Variants in EPHB2 observed in about 807,000 individuals in gnomAD.
The protein encoded by EPHB2 is EPH receptor B2.
In EPHB2, 18 loss-of-function variants were observed where a neutral mutation model predicts 96.4. That is an observed-to-expected ratio of 0.19 (90% CI 0.13 to 0.28). The LOEUF (loss-of-function observed/expected upper bound fraction) is 0.28. Ranked by LOEUF, EPHB2 falls within the 10% of genes least tolerant of loss-of-function variation. The pLI is 1.00. For synonymous variants in EPHB2, 506 were observed against 534.1 expected (o/e 0.95, Z 0.72); for missense variants, 989 against 1,355.4 (o/e 0.73, Z 4.25).
chr1:22,825,667 C>T (rs1645213006), intron 3 of EPHB2, among the ~76,000 whole-genome samples: 1 of 152,206 alleles, frequency 6.6e-6, no homozygotes, highest in Non-Finnish European at 1.5e-5. Context: ...ACATCTGGAG[C>T]AGGAGAACTA....
intron 3 of EPHB2, among the ~76,000 whole-genome samples, chr1:22,849,675 T>C (rs1400431173): frequency 1.3e-5 from 2 of 152,230 alleles, no homozygotes; most frequent in Non-Finnish European, 2.9e-5. Flanking sequence ...ACTAACTTTT[T>C]CTCTAAAGTC....
At position 22,716,351 on chromosome 1, in the gene EPHB2, A is replaced by C. The variant is rs1448213930; in HGVS notation, c.61+5308A>C. Among the ~76,000 whole-genome samples, 5 of 149,812 alleles carry C rather than the reference A, an allele frequency of 3.3e-5. No homozygotes were observed. In the East Asian group the frequency reaches 9.8e-4, roughly 29 times the overall value. ...GGGGACAGGTTCTTTTTTTTTTTCG[A>C]GATGGAGTCTCACTTTGTCACCCAG... is the stretch of plus-strand genomic sequence containing the variant. On this transcript the variant is annotated intron_variant, in intron 1 of 15. Transcript: ENST00000374630.
At chr1:22,756,402 G>T (rs535364290) in intron 1 of EPHB2, among the ~76,000 whole-genome samples, 7 of 152,080 alleles carry the variant, frequency 4.6e-5, no homozygotes, top group Non-Finnish European at 8.8e-5. Flanking sequence ...CAGACTGACC[G>T]CCAGGACCTC....
At chr1:22,829,536 A>G (rs1476871448) in intron 3 of EPHB2, among the ~76,000 whole-genome samples, 1 of 152,222 alleles carries the variant, frequency 6.6e-6, no homozygotes, top group Non-Finnish European at 1.5e-5. Context: ...ACAAATAGCC[A>G]CATTGATTTT....
chr1:22,725,718 G>T (rs1042328821), intron 1 of EPHB2, among the ~76,000 whole-genome samples: 2 of 152,146 alleles, frequency 1.3e-5, no homozygotes, highest in Non-Finnish European at 2.9e-5. Flanking sequence ...CCATTGACTT[G>T]GCCCACACTT....
At chr1:22,807,932 G>C (rs1459488589) in intron 3 of EPHB2, among the ~76,000 whole-genome samples, 6 of 152,174 alleles carry the variant, frequency 3.9e-5, no homozygotes, top group Non-Finnish European at 7.3e-5. Flanking sequence ...TCAGGAGTTT[G>C]ATACCAGCCT....
Position 22,767,422 on chromosome 1 carries a change from A to G in EPHB2, c.62-13999A>G, listed in dbSNP as rs116610607. ...AAATCAAAGCCTGCCTCCCTCACCA[A>G]CTTGCAGCCAACTTGCAGGGATCTT... On this transcript the variant is annotated intron_variant, in intron 1 of 15. Coordinates refer to ENST00000374630, the MANE Select transcript of EPHB2 (RefSeq NM_017449.5). 3.7e-3 allele frequency among the ~76,000 whole-genome samples: 557 copies of G among 152,212 alleles called. 1 individual carries two copies. Among genetic ancestry groups the G allele is most frequent in the African/African-American group, 0.012 (497 of 41,524 alleles).
At chr1:22,859,129 C>T (rs1331128181) in intron 3 of EPHB2, among the ~76,000 whole-genome samples, 1 of 152,146 alleles carries the variant, frequency 6.6e-6, no homozygotes, top group East Asian at 1.9e-4. Flanking sequence ...CACAGCGAGA[C>T]TCCGTCTCAA....
At chr1:22,872,724 C>T (rs546082811) in intron 5 of EPHB2, among the ~76,000 whole-genome samples, 1 of 152,370 alleles carries the variant, frequency 6.6e-6, no homozygotes, top group African/African-American at 2.4e-5. Flanking sequence ...ACTTTCAACT[C>T]TCCAAAGCCT....
chr1:22,804,368 C>G (rs572756527), intron 3 of EPHB2, among the ~76,000 whole-genome samples: 2 of 152,264 alleles, frequency 1.3e-5, no homozygotes, highest in African/African-American at 4.8e-5. Context: ...GCACCACCCC[C>G]CATCCTGCCA....
At chr1:22,852,783 G>A (rs529350070) in intron 3 of EPHB2, among the ~76,000 whole-genome samples, 133 of 152,350 alleles carry the variant, frequency 8.7e-4, no homozygotes, top group Non-Finnish European at 1.7e-3. Context: ...CTTGCAGCCT[G>A]TCACTCAGAG....
At chr1:22,897,684 G>A (rs762982929) in intron 9 of EPHB2, among the ~76,000 whole-genome samples, 2 of 152,188 alleles carry the variant, frequency 1.3e-5, no homozygotes, top group Non-Finnish European at 2.9e-5. Context: ...CTACTCAGGA[G>A]GCTGAGGCAG....
chr1:22,773,859 G>A (rs989382202), intron 1 of EPHB2, among the ~76,000 whole-genome samples: 2 of 152,194 alleles, frequency 1.3e-5, no homozygotes, highest in East Asian at 1.9e-4. Context: ...GCTTTGGTGC[G>A]AGGCAGACCC....
Position 22,811,799 on chromosome 1 carries a change from G to A in EPHB2, c.811+26723G>A, listed in dbSNP as rs1246947696. Among the ~76,000 whole-genome samples the A allele has an allele frequency of 3.3e-5, 5 of 152,318 alleles. No homozygotes were observed. The East Asian group carries it at 9.6e-4, about 29-fold the overall frequency. On this transcript the variant is annotated intron_variant, in intron 3 of 15. Transcript: ENST00000374630. ...CATGCCTGGAATCCCAACTCTTTGG[G>A]AGGCCAAGGCAGGAGGATCGTGTGA...
At position 22,895,567 on chromosome 1, in the gene EPHB2, A is replaced by T; in HGVS notation, c.1687A>T (p.Ile563Phe). Reference sequence around the variant, plus strand: ...CCTCATTGCTGTGGTTGTCATCGCCATCGTGTGTAACAGGTGGGTGGGGTC... The same window carrying T: ...CCTCATTGCTGTGGTTGTCATCGCCTTCGTGTGTAACAGGTGGGTGGGGTC... ...VFLIAVVVIA[I>F]VCNRRGFERA... is the part of the protein sequence containing the mutation. The change falls in exon 8 of 16, where the codon ATC becomes TTC. Residue 563 changes from isoleucine (I) to phenylalanine (F), a missense_variant. Physicochemically the swap from Ile to Phe is conservative, Grantham distance 21. Coordinates refer to ENST00000374630, the MANE Select transcript of EPHB2 (RefSeq NM_017449.5). 6.2e-7 allele frequency: 1 copy of T among 1,614,198 alleles called. No homozygotes were observed.
rs774869730 is a variant in EPHB2 at position 22,875,228 on chromosome 1, C to T, written c.1304-7131C>T. Among the ~76,000 whole-genome samples the T allele has an allele frequency of 1.2e-4, 18 of 152,148 alleles. No homozygotes were observed. The highest frequency in any genetic ancestry group is 2.5e-4 in the Non-Finnish European group (17 of 68,034). Reference sequence around the variant, plus strand: ...TCATCCAGAATTGCAGCCAGATCATCGGGGGTTAACTGCGTTGCTACGGGT... The same window carrying T: ...TCATCCAGAATTGCAGCCAGATCATTGGGGGTTAACTGCGTTGCTACGGGT... On this transcript the variant is annotated intron_variant, in intron 5 of 15. Coordinates refer to ENST00000374630, the MANE Select transcript of EPHB2 (RefSeq NM_017449.5). This position sits in a 1 kb window ranked among gnomAD's most constrained non-coding sequence, Gnocchi z 4.2.
At chr1:22,766,602 G>T (rs988408326) in intron 1 of EPHB2, among the ~76,000 whole-genome samples, 1 of 152,180 alleles carries the variant, frequency 6.6e-6, no homozygotes, top group African/African-American at 2.4e-5. Context: ...CACTGAGGCT[G>T]CAGTCCTATG....
chr1:22,754,839 G>A (rs1393485510), intron 1 of EPHB2, among the ~76,000 whole-genome samples: 1 of 146,930 alleles, frequency 6.8e-6, no homozygotes, highest in Non-Finnish European at 1.5e-5. Context: ...GGGCAGGGGA[G>A]GGGAGGTGAG....
chr1:22,792,774 C>T (rs1457130698), intron 3 of EPHB2, among the ~76,000 whole-genome samples: 1 of 152,182 alleles, frequency 6.6e-6, no homozygotes, highest in East Asian at 1.9e-4. Context: ...GACCCCTGCC[C>T]CCAAGGCCCA....
Sources: gnomAD v4.1 joint callset for allele counts (sites outside exome capture counted in the v4.1 genomes callset) on GRCh38, gnomAD v4.1.1 for gene constraint, Gnocchi (gnomAD v3.1) non-coding constraint, MANE v1.5 for transcripts, NCBI Gene and HGNC (gene_info 2026-07-23, HGNC 2026-07-21) for gene names.